Variants in SHANK2 observed in about 807,000 individuals in gnomAD.
SHANK2 encodes the protein SH3 and multiple ankyrin repeat domains protein 2.
Under a neutral mutation model 133.7 loss-of-function variants are expected in SHANK2, and 43 were observed. The ratio of observed to expected loss-of-function variants is 0.32; its 90% confidence interval spans 0.25 to 0.41. The LOEUF (loss-of-function observed/expected upper bound fraction) is 0.41, where lower values mean the gene tolerates loss of function less well. Ranked by LOEUF, SHANK2 falls within the 10% of genes least tolerant of loss-of-function variation. The pLI, the probability that SHANK2 is intolerant of heterozygous loss-of-function variation, is 1.00. For synonymous variants in SHANK2, 1,017 were observed against 952.8 expected, an observed-to-expected ratio of 1.07 and a Z score of -1.24; for missense variants, 1,994 against 2,235.8, an observed-to-expected ratio of 0.89 and a Z score of 2.18.
At position 71,147,166 on chromosome 11, in the gene SHANK2, C is replaced by T. The variant is rs1187236989; in HGVS notation, c.161G>A (p.Gly54Asp). The part of the protein sequence containing the change: ...PGGARTEESQ[G>D]NTLVIRVVIH... ...GACCACGCGGATCACCAGCGTGTTG[C>T]CCTGGCTCTCCTCCGTCCTGGCACC... is the stretch of plus-strand genomic sequence containing the variant. The change falls in exon 3 of 26, where the codon GGC becomes GAC. Residue 54 changes from glycine (G) to aspartate (D), a missense_variant. Around this residue, in one of 5 missense-constraint regions of SHANK2, gnomAD observed 653 missense variants for 563.4 expected, o/e 1.16. Transcript: ENST00000601538. 4.5e-6 allele frequency: 7 copies of T among 1,550,336 alleles called. No homozygotes were observed. The highest frequency in any genetic ancestry group is 6.1e-6 in the Non-Finnish European group (7 of 1,146,958).
At chr11:70,724,091 A>AG (rs1946127171) in intron 14 of SHANK2, among the ~76,000 whole-genome samples, 4 of 150,322 alleles carry the variant, frequency 2.7e-5, no homozygotes, top group Admixed American at 2.0e-4. Context: ...GCTGGAGTGC[A>AG]GTGGCATGAT....
chr11:71,082,773 T>C (rs1043497990), intron 8 of SHANK2, among the ~76,000 whole-genome samples: 3 of 152,140 alleles, frequency 2.0e-5, no homozygotes, highest in African/African-American at 7.2e-5. Flanking sequence ...CGAAACTATT[T>C]CTTTAAGGCG....
At chr11:70,917,646 C>T (rs1555080056) in intron 10 of SHANK2, among the ~76,000 whole-genome samples, 1 of 152,162 alleles carries the variant, frequency 6.6e-6, no homozygotes, top group Non-Finnish European at 1.5e-5. Flanking sequence ...AAATGTGGTA[C>T]ATATACACCA....
At chr11:70,711,761 T>C (rs1406980963) in intron 14 of SHANK2, among the ~76,000 whole-genome samples, 2 of 152,256 alleles carry the variant, frequency 1.3e-5, no homozygotes, top group Non-Finnish European at 2.9e-5. Context: ...ATCACAAAAA[T>C]GCCGCCAACT....
intron 17 of SHANK2, among the ~76,000 whole-genome samples, chr11:70,511,143 G>T (rs545539684): frequency 6.6e-6 from 1 of 152,164 alleles, no homozygotes; most frequent in Non-Finnish European, 1.5e-5. Flanking sequence ...GTGCCCCAGC[G>T]CCCATCAACA....
chr11:70,627,482 A>T (rs2060920247), intron 17 of SHANK2, among the ~76,000 whole-genome samples: 1 of 152,188 alleles, frequency 6.6e-6, no homozygotes, highest in Non-Finnish European at 1.5e-5. Context: ...GGCAACCTGG[A>T]GATTATTTGC....
rs1331341876 is a variant in SHANK2, at chr11:70,807,412, G to T, written c.1494-241C>A. On this transcript the variant is annotated intron_variant, in intron 12 of 25. Transcript: ENST00000601538. The surrounding 1 kb of genome is among the most constrained non-coding windows in gnomAD (Gnocchi z 4.8). ...CACAGACAGAAAGCTGCCACTCGGGGAGACGTCTGCACACCTGCGTTCACA... is the reference window on the plus strand; with the variant it reads ...CACAGACAGAAAGCTGCCACTCGGGTAGACGTCTGCACACCTGCGTTCACA... Among the ~76,000 whole-genome samples, 2 of 152,212 alleles carry T rather than the reference G, an allele frequency of 1.3e-5. No individual in the cohort carries two copies. Among genetic ancestry groups the T allele is most frequent in the African/African-American group, 4.8e-5 (2 of 41,460 alleles).
chr11:70,821,258 C>A (rs567176145), intron 11 of SHANK2, among the ~76,000 whole-genome samples: 2 of 152,034 alleles, frequency 1.3e-5, no homozygotes, highest in African/African-American at 2.4e-5. Context: ...TAAGAAGAGG[C>A]GATGAGGACA....
intron 14 of SHANK2, among the ~76,000 whole-genome samples, chr11:70,736,549 C>T (rs981567589): frequency 2.0e-5 from 3 of 152,174 alleles, no homozygotes; most frequent in African/African-American, 4.8e-5. Flanking sequence ...GGGCCACAGC[C>T]GATGAATGCC....
At chr11:70,894,031 A>G (rs1474579089) in intron 11 of SHANK2, among the ~76,000 whole-genome samples, 2 of 152,224 alleles carry the variant, frequency 1.3e-5, no homozygotes, top group Admixed American at 6.5e-5. Context: ...TAATAATGAA[A>G]AAAACCTCTC....
intron 11 of SHANK2, among the ~76,000 whole-genome samples, chr11:70,879,648 C>G (rs1949626384): frequency 6.6e-6 from 1 of 152,258 alleles, no homozygotes; most frequent in African/African-American, 2.4e-5. Context: ...TGACTATTTC[C>G]TGACTCCAAT....
At chr11:71,136,340 A>T (rs1952439599) in intron 3 of SHANK2, among the ~76,000 whole-genome samples, 1 of 152,228 alleles carries the variant, frequency 6.6e-6, no homozygotes, top group East Asian at 1.9e-4. Context: ...CTTTTGCAGC[A>T]ACAGGGATGG....
In SHANK2 at chr11:70,739,312, A is replaced by AC. The variant is rs1946473342; in HGVS notation, c.1778-40550dup. 6.6e-6 allele frequency among the ~76,000 whole-genome samples: 1 copy of AC among 151,516 alleles called. No homozygotes were observed. Among genetic ancestry groups the AC allele is most frequent in the African/African-American group, 2.4e-5 (1 of 41,274 alleles). Reference sequence around the variant, plus strand: ...TCCACTCATCTCCACCCATCTCCACACATCTCCACACATCTCCACCTCCCC... The same window carrying AC: ...TCCACTCATCTCCACCCATCTCCACACCATCTCCACACATCTCCACCTCCCC... On this transcript the variant is annotated intron_variant, in intron 14 of 25. Transcript: ENST00000601538. This position sits in a 1 kb window ranked among gnomAD's most constrained non-coding sequence, Gnocchi z 4.3.
In SHANK2 at chr11:70,502,916, C is replaced by T. The variant is rs782115210; in HGVS notation, c.2077G>A (p.Val693Ile). The T allele has an allele frequency of 1.2e-6, 2 of 1,614,182 alleles. No homozygotes were observed. Among genetic ancestry groups the T allele is most frequent in the Non-Finnish European group, 1.7e-6 (2 of 1,180,032 alleles). The stretch of plus-strand genomic sequence containing the variant: ...ACCTGCCTGTGGCCGACTTTGACAA[C>T]ATTCTCATTGTTAACCTGTGGGAAG... ...DFLIEVNNENVVKVGHRQVVN... is the reference protein window; with the variant it reads ...DFLIEVNNENIVKVGHRQVVN... Residue 693 changes from valine (V) to isoleucine (I), a missense_variant, in exon 18 of 26, where the codon GTT (valine) becomes ATT (isoleucine). Val to Ile is a conservative substitution (Grantham distance 29). Transcript: ENST00000601538.
chr11:70,699,323 G>T (rs1320437755), intron 14 of SHANK2, among the ~76,000 whole-genome samples: 1 of 151,340 alleles, frequency 6.6e-6, no homozygotes, highest in Non-Finnish European at 1.5e-5. Flanking sequence ...TTACTCAGCA[G>T]ATTGAGACAT....
chr11:70,570,402 G>C (rs2060031366), intron 17 of SHANK2, among the ~76,000 whole-genome samples: 2 of 152,208 alleles, frequency 1.3e-5, no homozygotes, highest in Admixed American at 1.3e-4. Context: ...GATGGATACT[G>C]TCTGGCTCTC....
intron 17 of SHANK2, among the ~76,000 whole-genome samples, chr11:70,584,760 G>A (rs2060226763): frequency 6.6e-6 from 1 of 152,216 alleles, no homozygotes; most frequent in Non-Finnish European, 1.5e-5. Context: ...GGAAGAGTGA[G>A]TTAGCAGCTG....
At chr11:70,782,630 C>T (rs544051806) in intron 14 of SHANK2, among the ~76,000 whole-genome samples, 9 of 152,344 alleles carry the variant, frequency 5.9e-5, no homozygotes, top group Admixed American at 5.9e-4. Context: ...GCACCACTGA[C>T]AAAGGTCTTG....
chr11:70,615,136 C>T (rs549878799), intron 17 of SHANK2, among the ~76,000 whole-genome samples: 42 of 152,344 alleles, frequency 2.8e-4, no homozygotes, highest in African/African-American at 9.6e-4. Flanking sequence ...CAGCCTCCCT[C>T]TGAACCAAGA....
Sources: allele counts gnomAD v4.1 joint callset (sites outside exome capture counted in the v4.1 genomes callset), GRCh38; gene constraint gnomAD v4.1.1; regional missense constraint gnomAD v4.1.1; non-coding constraint Gnocchi (gnomAD v3.1); transcripts MANE v1.5; gene names NCBI Gene and HGNC (gene_info 2026-07-23, HGNC 2026-07-21).